Variants in CDK15 observed in about 807,000 individuals in gnomAD.
The protein encoded by CDK15 is cyclin-dependent kinase 15.
A neutral mutation model predicts 60.3 loss-of-function variants in CDK15; 62 were observed. The observed-to-expected ratio is 1.03, with a 90% CI of 0.84 to 1.27. The LOEUF (loss-of-function observed/expected upper bound fraction) is 1.27. Ranked by LOEUF, CDK15 falls within the 50% of genes most tolerant of loss-of-function variation. The pLI, the probability that CDK15 is intolerant of heterozygous loss-of-function variation, is 0.00. For missense variants in CDK15, 541 were observed against 527.8 expected (o/e 1.03, Z -0.25); for synonymous variants, 194 against 195.7 (o/e 0.99, Z 0.07).
At chr2:201,854,704 T>C (rs542566813) in intron 9 of CDK15, 170 bp from the exon 10 acceptor site, 8 of 602,004 alleles carry the variant, frequency 1.3e-5, no homozygotes, top group Admixed American at 8.6e-5. Flanking sequence ...ACCACAAACG[T>C]TGGAAACACT....
chr2:201,892,228 G>A (rs1224745109), intron 13 of CDK15, among the ~76,000 whole-genome samples: 1 of 152,172 alleles, frequency 6.6e-6, no homozygotes, highest in Non-Finnish European at 1.5e-5. Context: ...ATTCTCTAGA[G>A]CAGAGCTTTT....
chr2:201,858,569 T>C (rs1698246601), intron 10 of CDK15, among the ~76,000 whole-genome samples: 3 of 152,164 alleles, frequency 2.0e-5, no homozygotes, highest in Admixed American at 6.5e-5. Context: ...CTTTGAAAAG[T>C]AGGCGCTTTT....
intron 12 of CDK15, chr2:201,888,386 C>A: frequency 6.6e-7 from 1 of 1,509,568 alleles, no homozygotes. Context: ...CTTGTCCTGC[C>A]GACTGTCTAG....
chr2:201,835,614 T>C, intron 7 of CDK15, 29 bp from the exon 8 acceptor site: 1 of 1,573,158 alleles, frequency 6.4e-7, no homozygotes, highest in African/African-American at 1.3e-5. Context: ...TCCAGAACGA[T>C]GGGTTTTATG....
chr2:201,824,597 T>G, intron 6 of CDK15: 1 of 320,130 alleles, frequency 3.1e-6, no homozygotes. Flanking sequence ...AGCCTTAAAA[T>G]AGAATGTGGA....
chr2:201,823,004 T>C, intron 5 of CDK15, 101 bp downstream of exon 5: 1 of 756,998 alleles, frequency 1.3e-6, no homozygotes, highest in Non-Finnish European at 2.3e-6. Flanking sequence ...TTTATTATAA[T>C]GTGAAAAGTA....
intron 3 of CDK15, among the ~76,000 whole-genome samples, chr2:201,809,081 T>C (rs1695640109): frequency 6.6e-6 from 1 of 152,138 alleles, no homozygotes; most frequent in African/African-American, 2.4e-5. Context: ...AGTCATGGTG[T>C]ACCTTAACTT....
intron 8 of CDK15, among the ~76,000 whole-genome samples, chr2:201,838,413 A>C (rs1291674183): frequency 2.0e-5 from 3 of 152,010 alleles, no homozygotes; most frequent in African/African-American, 7.3e-5. Flanking sequence ...TAAGAAGCTT[A>C]ATTTACTTTT....
intron 12 of CDK15, among the ~76,000 whole-genome samples, chr2:201,885,963 G>C (rs561932212): frequency 6.6e-6 from 1 of 152,158 alleles, no homozygotes; most frequent in Admixed American, 6.5e-5. Flanking sequence ...GAAAGTTGTA[G>C]AGCCAAGATT....
chr2:201,847,203 T>TG (rs1697708527), intron 8 of CDK15, among the ~76,000 whole-genome samples, 178 bp from the exon 9 acceptor site: 1 of 152,228 alleles, frequency 6.6e-6, no homozygotes, highest in African/African-American at 2.4e-5. Flanking sequence ...TAAAAAGCTG[T>TG]GGGCTGTTCT....
At chr2:201,811,923 A>C (rs1377660407) in intron 3 of CDK15, among the ~76,000 whole-genome samples, 1 of 152,196 alleles carries the variant, frequency 6.6e-6, no homozygotes, top group East Asian at 1.9e-4. Context: ...CTGTAATCCC[A>C]GCACTTTGGG....
intron 4 of CDK15, among the ~76,000 whole-genome samples, chr2:201,819,393 C>G (rs1192357363): frequency 1.3e-5 from 2 of 152,086 alleles, no homozygotes; most frequent in Admixed American, 6.5e-5. Context: ...GCCAAGTGAG[C>G]AAAGATGGGA....
In CDK15 at chr2:201,869,952, C is replaced by G. The variant is rs73993116; in HGVS notation, c.1010-2326C>G. On this transcript the variant is annotated intron_variant, in intron 10 of 13. Coordinates refer to ENST00000652192, the MANE Select transcript of CDK15 (RefSeq NM_001366386.2). ...TCTTATCTTTACTGGTTATTTTGAA[C>G]TTAGGCAAAATCATACTGAACAGAG... Among the ~76,000 whole-genome samples the G allele has an allele frequency of 8.2e-3, 1,255 of 152,260 alleles. 21 individuals carry two copies. Among genetic ancestry groups the G allele is most frequent in the African/African-American group, 0.029 (1,211 of 41,538 alleles).
intron 10 of CDK15, among the ~76,000 whole-genome samples, chr2:201,859,686 A>G: frequency 6.6e-6 from 1 of 152,214 alleles, no homozygotes. Context: ...TATTAGCTGG[A>G]AAGGTATTGG....
In CDK15 at chr2:201,806,878, C is replaced by T. The variant is rs751349706; in HGVS notation, c.123+91C>T. 109 of 1,457,098 alleles carry T rather than the reference C, an allele frequency of 7.5e-5. No homozygotes were observed. The African/African-American group carries it at 1.1e-3, about 15-fold the overall frequency. The allele number at this position is 1,457,098 out of a possible 1,614,324, so 90.3% of individuals were successfully genotyped here. A position where few individuals can be genotyped will look rare whatever the true frequency, so the allele number is the denominator to read the frequency against. On this transcript the variant is annotated intron_variant, in intron 1 of 13. Transcript: ENST00000652192. ...TTTGTAGCGGGATCTGATTCTTCTG[C>T]GGTAGGTCTAAACCAATAAAATGAA... is the stretch of plus-strand genomic sequence containing the variant.
rs1697717287 is a variant in CDK15, at chr2:201,847,398, T to TA, written c.869_870insA (p.Phe290LeufsTer3). ...TTTGCTAGGGGTGCAGGCTGCATCT[T>TA]TATTGAAATGTTCCAGGGTCAACCT... On this transcript the variant is annotated frameshift_variant, in exon 9 of 14. Coordinates refer to ENST00000652192, the MANE Select transcript of CDK15 (RefSeq NM_001366386.2). LOFTEE classifies it high-confidence loss of function. The TA allele has an allele frequency of 1.2e-6, 2 of 1,613,976 alleles. No individual in the cohort carries two copies. The highest frequency in any genetic ancestry group is 1.7e-6 in the Non-Finnish European group (2 of 1,179,998).
chr2:201,866,841 G>A lies in CDK15; in HGVS notation c.1010-5437G>A, dbSNP rs149816325. Among the ~76,000 whole-genome samples the A allele has an allele frequency of 6.4e-4, 97 of 152,208 alleles. 1 individual carries two copies. In the East Asian group the frequency reaches 0.015, roughly 23 times the overall value. On this transcript the variant is annotated intron_variant, in intron 10 of 13. Coordinates refer to ENST00000652192, the MANE Select transcript of CDK15 (RefSeq NM_001366386.2). ...CTCAGGTTATCTGCCTGAGTGGGAGGGCAGGCCACAAACAGGCGATGGGCT... is the reference window on the plus strand; with the variant it reads ...CTCAGGTTATCTGCCTGAGTGGGAGAGCAGGCCACAAACAGGCGATGGGCT...
chr2:201,834,923 AT>A (rs1236974177), intron 7 of CDK15, among the ~76,000 whole-genome samples: 2 of 152,340 alleles, frequency 1.3e-5, no homozygotes, highest in African/African-American at 4.8e-5. Flanking sequence ...AGATCATGCA[AT>A]TCTGTGAGAT....
rs1358228728 is a variant in CDK15 at position 201,806,730 on chromosome 2, A to T, written c.66A>T (p.Gly22=). Reference sequence around the variant, plus strand: ...GCAGCTGCTACCATTGTTCAGAGGGAGGCGAGGCACACAGCTGTCGGAGGA... The same window carrying T: ...GCAGCTGCTACCATTGTTCAGAGGGTGGCGAGGCACACAGCTGTCGGAGGA... ...PGCSCYHCSE[G]GEAHSCRRSQ... Residue 22 remains glycine (G), a synonymous_variant, in exon 1 of 14, where the codon GGA becomes GGT. Coordinates refer to ENST00000652192, the MANE Select transcript of CDK15 (RefSeq NM_001366386.2). 1.9e-6 allele frequency: 3 copies of T among 1,598,306 alleles called. No individual in the cohort carries two copies. Among genetic ancestry groups the T allele is most frequent in the Non-Finnish European group, 2.5e-6 (3 of 1,179,728 alleles).
Sources: gnomAD v4.1 joint callset for allele counts (sites outside exome capture counted in the v4.1 genomes callset) on GRCh38, gnomAD v4.1.1 for gene constraint, MANE v1.5 for transcripts, NCBI Gene and HGNC (gene_info 2026-07-23, HGNC 2026-07-21) for gene names.